Variants in KCNG3 observed in about 807,000 individuals in gnomAD.
KCNG3 encodes potassium voltage-gated channel modifier subfamily G member 3, also known as voltage-gated potassium channel regulatory subunit KCNG3.
KCNG3 carries 15 observed loss-of-function variants against 29.0 expected under a neutral mutation model. That is an observed-to-expected ratio of 0.52 (90% CI 0.35 to 0.80). The LOEUF is 0.80. KCNG3 is among the 30% of genes least tolerant of loss of function. The pLI, the probability that KCNG3 is intolerant of heterozygous loss-of-function variation, is 0.01. For missense variants in KCNG3, 512 were observed against 605.7 expected, an observed-to-expected ratio of 0.85 and a Z score of 1.62; for synonymous variants, 322 against 248.9, an observed-to-expected ratio of 1.29 and a Z score of -2.76.
At chr2:42,449,992 A>G (rs1330939016) in intron 1 of KCNG3, among the ~76,000 whole-genome samples, 1 of 152,200 alleles carries the variant, frequency 6.6e-6, no homozygotes, top group Admixed American at 6.5e-5. Flanking sequence ...TCCATTCTGA[A>G]GGACAAGCCT....
chr2:42,467,569 G>A (rs1673171391), intron 1 of KCNG3, among the ~76,000 whole-genome samples: 1 of 151,702 alleles, frequency 6.6e-6, no homozygotes, highest in Non-Finnish European at 1.5e-5. Context: ...TCAGGAGGCT[G>A]AGGCAGGAGA....
the KCNG3 span, among the ~76,000 whole-genome samples, chr2:42,391,433 T>A: frequency 6.6e-6 from 1 of 152,122 alleles, no homozygotes; most frequent in Non-Finnish European, 1.5e-5. Flanking sequence ...GATTGGCTTA[T>A]TTACAGCCAG....
chr2:42,414,448 C>A, the KCNG3 span, among the ~76,000 whole-genome samples: 2 of 152,092 alleles, frequency 1.3e-5, no homozygotes, highest in Non-Finnish European at 1.5e-5. Context: ...GATTGTCATT[C>A]CTTTGTAGAT....
the KCNG3 span, among the ~76,000 whole-genome samples, chr2:42,421,247 G>C: frequency 6.6e-6 from 1 of 152,234 alleles, no homozygotes; most frequent in African/African-American, 2.4e-5. Context: ...TCTGTGCTAA[G>C]TGTTGGGGAT....
intron 1 of KCNG3, among the ~76,000 whole-genome samples, chr2:42,461,960 G>T (rs1055965172): frequency 2.6e-5 from 4 of 152,112 alleles, no homozygotes; most frequent in African/African-American, 4.8e-5. Flanking sequence ...TTCAACAAAT[G>T]ATATTTTTAA....
the KCNG3 span, among the ~76,000 whole-genome samples, chr2:42,421,473 T>C: frequency 2.6e-5 from 4 of 151,464 alleles, no homozygotes; most frequent in East Asian, 7.9e-4. Context: ...GGAAATAGCA[T>C]GACAGATTAC....
At chr2:42,399,753 G>A in the KCNG3 span, among the ~76,000 whole-genome samples, 3 of 152,096 alleles carry the variant, frequency 2.0e-5, no homozygotes, top group Non-Finnish European at 4.4e-5. Context: ...CTCAGCTTAG[G>A]TGCACAGGGT....
rs938400610 is a variant in KCNG3 at position 42,442,278 on chromosome 2, T to A, written c.*1656A>T. On this transcript the variant is annotated 3_prime_UTR_variant, in exon 2 of 2. Coordinates refer to ENST00000306078, the MANE Select transcript of KCNG3 (RefSeq NM_133329.6). The stretch of plus-strand genomic sequence containing the variant: ...ATTACATAAGCTTAGGAAAGGAAAT[T>A]AAGGGAAAGAAAACAGTTTTGCTAT... The A allele has an allele frequency of 1.3e-5, 2 of 152,124 alleles. No homozygotes were observed. Among genetic ancestry groups the A allele is most frequent in the East Asian group, 3.8e-4 (2 of 5,204 alleles). 9.4% of individuals were successfully genotyped at this position (152,124 alleles called of 1,614,324 possible). A position where few individuals can be genotyped will look rare whatever the true frequency, so the allele number is the denominator to read the frequency against.
the KCNG3 span, among the ~76,000 whole-genome samples, chr2:42,408,808 G>A: frequency 3.3e-5 from 5 of 152,168 alleles, no homozygotes; most frequent in African/African-American, 9.7e-5. Context: ...TGCTCACCAC[G>A]TTGCTGGTGA....
chr2:42,407,236 G>T, the KCNG3 span, among the ~76,000 whole-genome samples: 1 of 146,550 alleles, frequency 6.8e-6, no homozygotes, highest in Non-Finnish European at 1.5e-5. Flanking sequence ...GGAGTGCAGT[G>T]GTGCTCATGG....
At chr2:42,411,473 T>C in the KCNG3 span, among the ~76,000 whole-genome samples, 1 of 152,110 alleles carries the variant, frequency 6.6e-6, no homozygotes. Context: ...GTTTTCTTCA[T>C]ACATGTCTTA....
In KCNG3 at chr2:42,464,925, ACACTATATTGCCTAATCATGG is replaced by A. The variant is rs549243566; in HGVS notation, c.666-20367_666-20347del. Reference sequence around the variant, plus strand: ...TGTCTTTAAAAAAAACAAACAAAAAACACTATATTGCCTAATCATGGCACTTAATAGGTACCCAGAAAATAC... The same window carrying A: ...TGTCTTTAAAAAAAACAAACAAAAAACACTTAATAGGTACCCAGAAAATAC... On this transcript the variant is annotated intron_variant, in intron 1 of 1. Coordinates refer to ENST00000306078, the MANE Select transcript of KCNG3 (RefSeq NM_133329.6). Among the ~76,000 whole-genome samples, 640 of 152,270 alleles carry A rather than the reference ACACTATATTGCCTAATCATGG, an allele frequency of 4.2e-3. 1 individual carries two copies. The highest frequency in any genetic ancestry group is 0.015 in the African/African-American group (612 of 41,554).
intron 1 of KCNG3, among the ~76,000 whole-genome samples, chr2:42,454,191 A>T (rs1672827421): frequency 6.6e-6 from 1 of 152,078 alleles, no homozygotes; most frequent in Admixed American, 6.6e-5. Context: ...AACAGTATGG[A>T]GGTTCCTCGA....
At chr2:42,427,668 CATAAG>C in the KCNG3 span, among the ~76,000 whole-genome samples, 3 of 151,804 alleles carry the variant, frequency 2.0e-5, no homozygotes, top group Non-Finnish European at 4.4e-5. Flanking sequence ...TGGTTGAATG[CATAAG>C]ATATTTTTTA....
At chr2:42,431,822 G>C in the KCNG3 span, among the ~76,000 whole-genome samples, 2 of 152,156 alleles carry the variant, frequency 1.3e-5, no homozygotes, top group African/African-American at 2.4e-5. Flanking sequence ...CGGATCACCT[G>C]AGGTCAGGAG....
At chr2:42,399,072 T>G in the KCNG3 span, among the ~76,000 whole-genome samples, 6 of 147,812 alleles carry the variant, frequency 4.1e-5, no homozygotes, top group Non-Finnish European at 6.0e-5. Flanking sequence ...TTTTTTTTTT[T>G]TTGAGACAGG....
chr2:42,401,600 CCTAA>C, the KCNG3 span, among the ~76,000 whole-genome samples: 5 of 152,084 alleles, frequency 3.3e-5, no homozygotes, highest in South Asian at 2.1e-4. Flanking sequence ...CACAACTGCG[CCTAA>C]CTAATATTTT....
chr2:42,396,520 T>C, the KCNG3 span, among the ~76,000 whole-genome samples: 2 of 152,332 alleles, frequency 1.3e-5, no homozygotes, highest in Admixed American at 6.5e-5. Context: ...CTTCTCCAAA[T>C]TCCACCAGAA....
At chr2:42,464,322 C>T (rs188162702) in intron 1 of KCNG3, among the ~76,000 whole-genome samples, 1 of 152,140 alleles carries the variant, frequency 6.6e-6, no homozygotes, top group African/African-American at 2.4e-5. Context: ...CTGCCTTGGC[C>T]TCCCAAAGTG....
Sources: gnomAD v4.1 joint callset for allele counts (sites outside exome capture counted in the v4.1 genomes callset) on GRCh38, gnomAD v4.1.1 for gene constraint, MANE v1.5 for transcripts, NCBI Gene and HGNC (gene_info 2026-07-23, HGNC 2026-07-21) for gene names.